The following PLOD1 variants were observed in gnomAD, a reference collection of about 807,000 sequenced individuals.
PLOD1 encodes procollagen-lysine,2-oxoglutarate 5-dioxygenase 1.
PLOD1 carries 70 observed loss-of-function variants against 94.7 expected under a neutral mutation model. The ratio of observed to expected loss-of-function variants is 0.74; its 90% CI spans 0.61 to 0.90. The LOEUF (loss-of-function observed/expected upper bound fraction) is 0.90, where lower values mean the gene tolerates loss of function less well. PLOD1 is among the 40% of genes least tolerant of loss of function. The probability of loss-of-function intolerance (pLI) is 0.00; values close to 1 mark genes in which losing one functional copy is unlikely to be tolerated. For missense variants in PLOD1, 905 were observed against 972.7 expected, an observed-to-expected ratio of 0.93 and a Z score of 0.93; for synonymous variants, 417 against 400.2, an observed-to-expected ratio of 1.04 and a Z score of -0.50.
chr1:11,951,308 G>A (rs529196807), intron 4 of PLOD1, among the ~76,000 whole-genome samples: 2 of 151,992 alleles, frequency 1.3e-5, no homozygotes, highest in Admixed American at 1.3e-4. Context: ...GCTCACGCCT[G>A]TAATGTCAGC....
At chr1:11,970,375 G>C (rs1343263889) in intron 16 of PLOD1, among the ~76,000 whole-genome samples, 1 of 152,354 alleles carries the variant, frequency 6.6e-6, no homozygotes, top group African/African-American at 2.4e-5. Context: ...TGAGGCTGCA[G>C]TGAGCTGAAG....
chr1:11,966,412 AGGATGGGAGTTGGGGGTGGAG>A (rs1310579849), intron 15 of PLOD1, 96 bp downstream of exon 15: 3 of 496,034 alleles, frequency 6.0e-6, no homozygotes, highest in Admixed American at 5.0e-5. Flanking sequence ...GGGGGACAGC[AGGATGGGAGTTGGGGGTGGAG>A]GGATGGGAGT....
chr1:11,947,673 C>T (rs945382317), intron 1 of PLOD1, among the ~76,000 whole-genome samples: 1 of 152,192 alleles, frequency 6.6e-6, no homozygotes, highest in Non-Finnish European at 1.5e-5. Context: ...ACCTCTGTGA[C>T]CCAAACACCT....
intron 4 of PLOD1, among the ~76,000 whole-genome samples, chr1:11,951,898 G>A (rs148234914): frequency 5.6e-4 from 85 of 151,944 alleles, no homozygotes; most frequent in African/African-American, 1.8e-3. Flanking sequence ...CAGCCTGGGC[G>A]ACAGAGCGAG....
chr1:11,937,168 T>C (rs1645585732), intron 1 of PLOD1, among the ~76,000 whole-genome samples: 1 of 152,156 alleles, frequency 6.6e-6, no homozygotes, highest in South Asian at 2.1e-4. Flanking sequence ...ATTTCTTGAG[T>C]ACCTCCCTCG....
intron 10 of PLOD1, among the ~76,000 whole-genome samples, chr1:11,962,555 C>T (rs1284719949): frequency 1.3e-5 from 2 of 151,934 alleles, no homozygotes; most frequent in African/African-American, 4.8e-5. Flanking sequence ...GGATTACAGG[C>T]GTGAGCCACC....
chr1:11,944,732 T>A, intron 1 of PLOD1: 1 of 1,114,978 alleles, frequency 9.0e-7, no homozygotes. Flanking sequence ...CCGCAGCTAA[T>A]CCCTGCCAAT....
chr1:11,967,172 A>T, intron 16 of PLOD1, 81 bp downstream of exon 16: 1 of 941,322 alleles, frequency 1.1e-6, no homozygotes, highest in Non-Finnish European at 1.8e-6. Context: ...GTCTTCTGGC[A>T]AGCTGGCCTG....
In PLOD1 at chr1:11,957,889, C is replaced by T. The variant is rs908800499; in HGVS notation, c.789C>T (p.Phe263=). 15 of 1,613,974 alleles carry T rather than the reference C, an allele frequency of 9.3e-6. No individual in the cohort carries two copies. The highest frequency in any genetic ancestry group is 1.6e-4 in the Middle Eastern group (1 of 6,084). The stretch of plus-strand genomic sequence containing the variant: ...ACTACATCCCGCGCTTCTGGACCTT[C>T]GAAACAGGCTGCACCGTGTGTGACG... ...LGNYIPRFWT[F]ETGCTVCDEG... Residue 263 remains phenylalanine, a synonymous_variant, in exon 8 of 19, where the codon TTC becomes TTT. Coordinates refer to ENST00000196061, the MANE Select transcript of PLOD1 (RefSeq NM_000302.4). The surrounding 1 kb of genome is among the most constrained non-coding windows in gnomAD (Gnocchi z 4.1).
rs116125261 is a variant in PLOD1 at position 11,963,064 on chromosome 1, T to G, written c.1098-468T>G. ...TCAAAAAAATAAAATAAAATAAAAA[T>G]AAAAAAAAGAAAAACATAAAGCTGT... On this transcript the variant is annotated intron_variant, in intron 10 of 18. Transcript: ENST00000196061. This position sits in a 1 kb window ranked among gnomAD's most constrained non-coding sequence, Gnocchi z 4.3. Among the ~76,000 whole-genome samples the G allele has an allele frequency of 0.029, 4,434 of 151,072 alleles. 154 individuals carry two copies. The highest frequency in any genetic ancestry group is 0.078 in the African/African-American group (3,212 of 41,172).
intron 4 of PLOD1, among the ~76,000 whole-genome samples, chr1:11,950,795 A>G (rs1246993023): frequency 1.3e-5 from 2 of 151,874 alleles, no homozygotes; most frequent in Non-Finnish European, 2.9e-5. Flanking sequence ...TCACCTGTCT[A>G]CTACTTTTTA....
Position 11,963,938 on chromosome 1 carries a change from A to T in PLOD1, c.1203-237A>T, listed in dbSNP as rs115762130. Among the ~76,000 whole-genome samples, 677 of 151,680 alleles carry T rather than the reference A, an allele frequency of 4.5e-3. 1 individual carries two copies. The highest frequency in any genetic ancestry group is 0.016 in the African/African-American group (653 of 41,282). On this transcript the variant is annotated intron_variant, in intron 11 of 18. Transcript: ENST00000196061. This position sits in a 1 kb window ranked among gnomAD's most constrained non-coding sequence, Gnocchi z 4.3. ...CTGTGGATCCCCAGCCTGATACCCCAGGTTCTGATAGAGAAGGTGTCCTGC... is the reference window on the plus strand; with the variant it reads ...CTGTGGATCCCCAGCCTGATACCCCTGGTTCTGATAGAGAAGGTGTCCTGC...
At chr1:11,946,535 T>C (rs116342455) in intron 1 of PLOD1, among the ~76,000 whole-genome samples, 203 of 152,300 alleles carry the variant, frequency 1.3e-3, no homozygotes, top group African/African-American at 4.6e-3. Flanking sequence ...GTGAGATAGA[T>C]TAGCAATGTC....
In PLOD1 at chr1:11,957,890, G is replaced by C. The variant is rs758361490; in HGVS notation, c.790G>C (p.Glu264Gln). ...GNYIPRFWTF[E>Q]TGCTVCDEGL... ...CTACATCCCGCGCTTCTGGACCTTC[G>C]AAACAGGCTGCACCGTGTGTGACGA... Residue 264 changes from glutamate to glutamine, a missense_variant, in exon 8 of 19, where the codon GAA becomes CAA. Transcript: ENST00000196061. The surrounding 1 kb of genome is among the most constrained non-coding windows in gnomAD (Gnocchi z 4.1). 2 of 1,614,080 alleles carry C rather than the reference G, an allele frequency of 1.2e-6. No homozygotes were observed. The highest frequency in any genetic ancestry group is 1.1e-5 in the South Asian group (1 of 91,080).
intron 4 of PLOD1, among the ~76,000 whole-genome samples, chr1:11,951,064 G>GA (rs200071212): frequency 0.024 from 3,724 of 152,074 alleles, 128 homozygotes; most frequent in African/African-American, 0.085. Flanking sequence ...AAAGTGCTGG[G>GA]ATTATAGGCA....
At chr1:11,948,110 A>C in intron 2 of PLOD1, 43 bp downstream of exon 2, 2 of 1,258,198 alleles carry the variant, frequency 1.6e-6, no homozygotes, top group South Asian at 2.4e-5. Context: ...GAGGGGTGGC[A>C]GGAGGATCTA....
chr1:11,954,963 G>C, intron 6 of PLOD1, 70 bp downstream of exon 6: 1 of 1,221,870 alleles, frequency 8.2e-7, no homozygotes, highest in Non-Finnish European at 1.2e-6. Flanking sequence ...CAGGGCCCGA[G>C]CCCAGGGAGG....
At chr1:11,939,795 A>G (rs566674389) in intron 1 of PLOD1, among the ~76,000 whole-genome samples, 1 of 151,886 alleles carries the variant, frequency 6.6e-6, no homozygotes, top group South Asian at 2.1e-4. Context: ...TTTAGTAGAG[A>G]TGGGGTTTCG....
intron 1 of PLOD1, among the ~76,000 whole-genome samples, chr1:11,941,245 TTTG>T (rs1165635812): frequency 1.3e-5 from 2 of 152,132 alleles, no homozygotes; most frequent in African/African-American, 4.8e-5. Context: ...TGTTTTGTTT[TTTG>T]TTTTTTGTTT....
Sources: gnomAD v4.1 joint callset for allele counts (sites outside exome capture counted in the v4.1 genomes callset) on GRCh38, gnomAD v4.1.1 for gene constraint, Gnocchi (gnomAD v3.1) non-coding constraint, MANE v1.5 for transcripts, NCBI Gene and HGNC (gene_info 2026-07-23, HGNC 2026-07-21) for gene names.